The following PVT1 variants were observed in gnomAD, a reference collection of about 807,000 sequenced individuals.
PVT1 encodes CXCR4/PVT1 fusion.
chr8:127,963,601 G>A (rs1816671323), intron 3 of PVT1, among the ~76,000 whole-genome samples: 2 of 151,442 alleles, frequency 1.3e-5, no homozygotes, highest in South Asian at 2.1e-4. Context: ...TGAAGCAGCA[G>A]CATTTACAAA....
chr8:127,994,669 G>A (rs1409144414), intron 4 of PVT1, among the ~76,000 whole-genome samples: 3 of 152,136 alleles, frequency 2.0e-5, no homozygotes, highest in African/African-American at 7.2e-5. Flanking sequence ...GACCCAGAGG[G>A]GTCCTGTGAT....
intron 2 of PVT1, among the ~76,000 whole-genome samples, chr8:127,870,606 G>A (rs1478102470): frequency 6.6e-6 from 1 of 152,162 alleles, no homozygotes; most frequent in East Asian, 1.9e-4. Context: ...ACTGAATGAA[G>A]GAAAGCTGAA....
chr8:127,927,542 G>T (rs927629721), intron 3 of PVT1, among the ~76,000 whole-genome samples: 1 of 152,184 alleles, frequency 6.6e-6, no homozygotes, highest in African/African-American at 2.4e-5. Flanking sequence ...ACTGCTTGCT[G>T]CATGGTCCAG....
At chr8:127,986,240 G>C (rs1393301625) in intron 3 of PVT1, among the ~76,000 whole-genome samples, 1 of 152,200 alleles carries the variant, frequency 6.6e-6, no homozygotes, top group Non-Finnish European at 1.5e-5. Context: ...GAGGAGAACA[G>C]ATGTTAACAC....
At chr8:127,870,124 G>A (rs906432127) in intron 2 of PVT1, among the ~76,000 whole-genome samples, 1 of 152,144 alleles carries the variant, frequency 6.6e-6, no homozygotes, top group African/African-American at 2.4e-5. Context: ...CTTTTTAGAT[G>A]TCATTACTTA....
At chr8:127,880,479 G>A (rs1815453141) in intron 2 of PVT1, among the ~76,000 whole-genome samples, 1 of 149,062 alleles carries the variant, frequency 6.7e-6, no homozygotes, top group South Asian at 2.1e-4. Flanking sequence ...TGTATTTTTA[G>A]TAGAGGTGGG....
intron 3 of PVT1, among the ~76,000 whole-genome samples, chr8:127,893,589 A>G (rs1190761595): frequency 6.6e-6 from 1 of 152,194 alleles, no homozygotes; most frequent in African/African-American, 2.4e-5. Flanking sequence ...AGGGAAATCA[A>G]GTGTCCCTAG....
intron 3 of PVT1, among the ~76,000 whole-genome samples, chr8:127,892,424 G>T (rs888038076): frequency 6.6e-6 from 1 of 152,114 alleles, no homozygotes; most frequent in Admixed American, 6.6e-5. Flanking sequence ...ACTCTCCGTG[G>T]TTTTCTCTTG....
intron 2 of PVT1, among the ~76,000 whole-genome samples, chr8:127,800,675 T>G (rs1586385079): frequency 1.3e-5 from 2 of 152,152 alleles, no homozygotes; most frequent in East Asian, 3.8e-4. Flanking sequence ...CTTCTCCCAC[T>G]AAATTGTAAC....
intron 4 of PVT1, among the ~76,000 whole-genome samples, chr8:128,024,519 A>G (rs555575899): frequency 6.6e-6 from 1 of 152,206 alleles, no homozygotes; most frequent in African/African-American, 2.4e-5. Context: ...CCAGCTGCTC[A>G]GGAGGCTAAG....
At chr8:127,809,029 CAAAAAAA>C (rs1158760672) in intron 2 of PVT1, among the ~76,000 whole-genome samples, 66 of 28,274 alleles carry the variant, frequency 2.3e-3, no homozygotes, top group African/African-American at 4.7e-3. Flanking sequence ...GATTCCATCT[CAAAAAAA>C]AAAAAAAAAA....
At chr8:127,863,391 T>G (rs1205844462) in intron 2 of PVT1, among the ~76,000 whole-genome samples, 1 of 152,212 alleles carries the variant, frequency 6.6e-6, no homozygotes, top group Non-Finnish European at 1.5e-5. Context: ...ATGACAGGCA[T>G]GAGCCACCGT....
At chr8:128,013,525 C>T (rs1171495752) in intron 4 of PVT1, among the ~76,000 whole-genome samples, 1 of 152,154 alleles carries the variant, frequency 6.6e-6, no homozygotes, top group Admixed American at 6.5e-5. Flanking sequence ...TTATTGAACA[C>T]TTGCTGAATG....
intron 4 of PVT1, among the ~76,000 whole-genome samples, chr8:128,033,769 T>C (rs1813426898): frequency 1.3e-5 from 2 of 152,142 alleles, no homozygotes; most frequent in Non-Finnish European, 2.9e-5. Flanking sequence ...TGGAGCTGCT[T>C]CCCCTCCTCC....
At chr8:127,971,128 C>G (rs139162011) in intron 3 of PVT1, among the ~76,000 whole-genome samples, 2 of 152,360 alleles carry the variant, frequency 1.3e-5, no homozygotes, top group African/African-American at 4.8e-5. Flanking sequence ...AGCCCCGGTT[C>G]TAAACTGCAC....
At chr8:127,928,532 C>T (rs1334226846) in intron 3 of PVT1, among the ~76,000 whole-genome samples, 1 of 152,202 alleles carries the variant, frequency 6.6e-6, no homozygotes, top group Non-Finnish European at 1.5e-5. Flanking sequence ...CCAAATGGAC[C>T]ATCTTGTCCC....
At chr8:127,967,600 A>G (rs1816717278) in intron 3 of PVT1, among the ~76,000 whole-genome samples, 1 of 152,224 alleles carries the variant, frequency 6.6e-6, no homozygotes, top group African/African-American at 2.4e-5. Context: ...CCTGCCAAGA[A>G]TAAGGCCTCG....
At chr8:127,904,074 A>G (rs1024857949) in intron 3 of PVT1, among the ~76,000 whole-genome samples, 1 of 152,154 alleles carries the variant, frequency 6.6e-6, no homozygotes, top group Non-Finnish European at 1.5e-5. Context: ...ATGTTTTTCC[A>G]TTTATTTGTG....
intron 3 of PVT1, among the ~76,000 whole-genome samples, chr8:127,968,489 C>T (rs1816727529): frequency 6.6e-6 from 1 of 152,120 alleles, no homozygotes; most frequent in African/African-American, 2.4e-5. Flanking sequence ...GAGGTCAGCA[C>T]ATGAAGCTTC....
Sources: gnomAD v4.1 joint callset for allele counts (sites outside exome capture counted in the v4.1 genomes callset) on GRCh38, gnomAD v4.1.1 for gene constraint, MANE v1.5 for transcripts, NCBI Gene and HGNC (gene_info 2026-07-23, HGNC 2026-07-21) for gene names.